The following TAFA2 variants were observed in gnomAD, a reference collection of about 807,000 sequenced individuals.
TAFA2 encodes the protein chemokine-like protein TAFA-2.
TAFA2 carries 7 observed loss-of-function variants against 18.8 expected under a neutral mutation model. The observed-to-expected ratio is 0.37, with a 90% CI of 0.21 to 0.70. The LOEUF (loss-of-function observed/expected upper bound fraction) is 0.70, where lower values mean the gene tolerates loss of function less well. Ranked by LOEUF, TAFA2 falls within the 30% of genes least tolerant of loss-of-function variation. TAFA2 has a pLI of 0.53. For synonymous variants in TAFA2, 60 were observed against 54.2 expected, an observed-to-expected ratio of 1.11 and a Z score of -0.47; for missense variants, 122 against 158.1, an observed-to-expected ratio of 0.77 and a Z score of 1.23.
At position 61,837,043 on chromosome 12, in the gene TAFA2, GT is replaced by G. The variant is rs938664638; in HGVS notation, c.106+30276del. Reference sequence around the variant, plus strand: ...TAATTTTTACATTAAAATTTAGAAAGTTTTTTAATTTTCACATTAAAACTTC... The same window carrying G: ...TAATTTTTACATTAAAATTTAGAAAGTTTTTAATTTTCACATTAAAACTTC... On this transcript the variant is annotated intron_variant, in intron 2 of 4. Coordinates refer to ENST00000416284, the MANE Select transcript of TAFA2 (RefSeq NM_178539.5). Among the ~76,000 whole-genome samples, 8 of 151,422 alleles carry G rather than the reference GT, an allele frequency of 5.3e-5. No individual in the cohort carries two copies. In the East Asian group the frequency reaches 1.6e-3, roughly 29 times the overall value.
intron 1 of TAFA2, among the ~76,000 whole-genome samples, chr12:62,164,940 T>A (rs2062429028): frequency 6.6e-6 from 1 of 152,098 alleles, no homozygotes; most frequent in African/African-American, 2.4e-5. Flanking sequence ...AATTTACAGA[T>A]GAAACCCAGA....
intron 1 of TAFA2, among the ~76,000 whole-genome samples, chr12:62,081,674 G>A (rs894891666): frequency 6.6e-6 from 1 of 151,846 alleles, no homozygotes; most frequent in Non-Finnish European, 1.5e-5. Context: ...TAGTAGAGAC[G>A]GGGTTTCACT....
intron 4 of TAFA2, among the ~76,000 whole-genome samples, chr12:61,745,226 C>T (rs1351861688): frequency 6.6e-6 from 1 of 152,054 alleles, no homozygotes; most frequent in Non-Finnish European, 1.5e-5. Context: ...ACTTGCTCTT[C>T]CCACAGTTCT....
At chr12:61,723,310 T>C (rs1869991158) in intron 4 of TAFA2, among the ~76,000 whole-genome samples, 1 of 152,138 alleles carries the variant, frequency 6.6e-6, no homozygotes, top group Non-Finnish European at 1.5e-5. Context: ...CTAAGCAGCA[T>C]ATCAGGCACA....
At chr12:61,722,676 T>C (rs1007536099) in intron 4 of TAFA2, among the ~76,000 whole-genome samples, 5 of 152,216 alleles carry the variant, frequency 3.3e-5, no homozygotes, top group Admixed American at 3.3e-4. Context: ...AGGGACTTTT[T>C]AAAAATTTCA....
At chr12:61,725,487 C>A (rs1351650705) in intron 4 of TAFA2, among the ~76,000 whole-genome samples, 3 of 152,054 alleles carry the variant, frequency 2.0e-5, no homozygotes. Context: ...GATCCAGCTT[C>A]ATTCTTCTGC....
chr12:61,869,682 T>C (rs1241254103), intron 1 of TAFA2, among the ~76,000 whole-genome samples: 2 of 152,212 alleles, frequency 1.3e-5, no homozygotes, highest in African/African-American at 4.8e-5. Flanking sequence ...AGAGAAATAT[T>C]GAGCTATAAC....
At chr12:61,995,828 CTGAT>C (rs1251552267) in intron 1 of TAFA2, among the ~76,000 whole-genome samples, 2 of 151,842 alleles carry the variant, frequency 1.3e-5, no homozygotes, top group Admixed American at 6.6e-5. Flanking sequence ...TGTTCTAAAA[CTGAT>C]TGTGGTGATC....
chr12:61,864,404 A>G (rs1046457965), intron 2 of TAFA2, among the ~76,000 whole-genome samples: 2 of 148,448 alleles, frequency 1.3e-5, no homozygotes, highest in African/African-American at 2.5e-5. Flanking sequence ...TGGTGTGTAT[A>G]TATATATTTC....
chr12:62,098,744 G>T (rs900058785), intron 1 of TAFA2, among the ~76,000 whole-genome samples: 1 of 152,092 alleles, frequency 6.6e-6, no homozygotes, highest in Admixed American at 6.6e-5. Flanking sequence ...TATCTCTTCA[G>T]TGTAATGATC....
At chr12:62,170,246 C>CATA (rs1592379832) in intron 1 of TAFA2, among the ~76,000 whole-genome samples, 1 of 151,914 alleles carries the variant, frequency 6.6e-6, no homozygotes, top group Non-Finnish European at 1.5e-5. Context: ...CCAGTGTTAT[C>CATA]ATAATAATAA....
At chr12:61,845,757 A>G (rs1053036998) in intron 2 of TAFA2, among the ~76,000 whole-genome samples, 1 of 152,160 alleles carries the variant, frequency 6.6e-6, no homozygotes, top group Non-Finnish European at 1.5e-5. Flanking sequence ...AGGCATAAGC[A>G]ATTATTTGAT....
At chr12:61,899,315 C>A (rs148194764) in intron 1 of TAFA2, among the ~76,000 whole-genome samples, 1 of 152,066 alleles carries the variant, frequency 6.6e-6, no homozygotes, top group Non-Finnish European at 1.5e-5. Context: ...GTGCCCCACT[C>A]TTGGTACCAA....
Position 61,917,506 on chromosome 12 carries a change from G to A in TAFA2, c.-1-50080C>T, listed in dbSNP as rs138749304. Among the ~76,000 whole-genome samples, 47 of 152,078 alleles carry A rather than the reference G, an allele frequency of 3.1e-4. 1 individual carries two copies. The Middle Eastern group carries it at 0.01, about 33-fold the overall frequency. On this transcript the variant is annotated intron_variant, in intron 1 of 4. Coordinates refer to ENST00000416284, the MANE Select transcript of TAFA2 (RefSeq NM_178539.5). ...CATTGATTAGTTACACATTTCTTTC[G>A]TTTATTTGATTGAACTCTGCACCCT...
At chr12:62,000,280 C>CA (rs1880337288) in intron 1 of TAFA2, among the ~76,000 whole-genome samples, 1 of 121,380 alleles carries the variant, frequency 8.2e-6, no homozygotes, top group Admixed American at 1.0e-4. Context: ...AAGAGGAGCT[C>CA]AAAGAAAGAA....
intron 1 of TAFA2, among the ~76,000 whole-genome samples, chr12:62,049,425 A>G (rs904164860): frequency 3.9e-5 from 6 of 152,196 alleles, no homozygotes; most frequent in African/African-American, 1.4e-4. Flanking sequence ...AGAAGTACCT[A>G]GCACCTGCAC....
chr12:61,728,440 C>T (rs1030603597), intron 4 of TAFA2, among the ~76,000 whole-genome samples: 4 of 151,874 alleles, frequency 2.6e-5, no homozygotes, highest in Admixed American at 2.0e-4. Context: ...AGACTGTGAT[C>T]TTTCTCTGTT....
intron 1 of TAFA2, among the ~76,000 whole-genome samples, chr12:61,899,212 A>G (rs1320271983): frequency 1.3e-5 from 2 of 151,992 alleles, no homozygotes; most frequent in Admixed American, 6.6e-5. Context: ...GAGCCCCCCA[A>G]ACTGTTCCAA....
intron 2 of TAFA2, among the ~76,000 whole-genome samples, chr12:61,788,291 G>A (rs7294711): frequency 0.31 from 46,488 of 151,420 alleles, 7,372 homozygotes; most frequent in South Asian, 0.4. Context: ...CAATGGATGG[G>A]TTATCCAGAC....
Sources: gnomAD v4.1 joint callset for allele counts (sites outside exome capture counted in the v4.1 genomes callset) on GRCh38, gnomAD v4.1.1 for gene constraint, MANE v1.5 for transcripts, NCBI Gene and HGNC (gene_info 2026-07-23, HGNC 2026-07-21) for gene names.